The following CPNE4 variants were observed in gnomAD, a reference collection of about 807,000 sequenced individuals.
CPNE4 encodes the protein copine-4.
In CPNE4, 25 loss-of-function variants were observed where a neutral mutation model predicts 67.9. The ratio of observed to expected loss-of-function variants is 0.37; its 90% CI spans 0.27 to 0.51. The LOEUF (loss-of-function observed/expected upper bound fraction) is 0.51, where lower values mean the gene tolerates loss of function less well. Among genes scored for constraint, CPNE4 ranks in the 20% least tolerant of loss-of-function variants. The pLI is 0.93. For missense variants in CPNE4, 464 were observed against 690.8 expected (o/e 0.67, Z 3.68); for synonymous variants, 242 against 244.9 (o/e 0.99, Z 0.11).
intron 7 of CPNE4, among the ~76,000 whole-genome samples, chr3:131,646,118 G>A (rs1043974424): frequency 6.6e-6 from 1 of 152,016 alleles, no homozygotes; most frequent in Admixed American, 6.6e-5. Context: ...GAAAATAATA[G>A]AAAATCTGTC....
chr3:131,545,023 A>AT (rs1935748752), intron 14 of CPNE4, among the ~76,000 whole-genome samples: 2 of 152,182 alleles, frequency 1.3e-5, no homozygotes, highest in African/African-American at 4.8e-5. Flanking sequence ...TCAGGAAACT[A>AT]TTTTTTGTCA....
chr3:132,034,853 G>C lies in CPNE4; in HGVS notation c.-288C>G, dbSNP rs1372404932. 1.0e-6 allele frequency: 1 copy of C among 985,314 alleles called. No homozygotes were observed. The highest frequency in any genetic ancestry group is 1.7e-5 in the African/African-American group (1 of 57,152). The allele number at this position is 985,314 out of a possible 1,614,324, so 61.0% of individuals were successfully genotyped here. A position where few individuals can be genotyped will look rare whatever the true frequency, so the allele number is the denominator to read the frequency against. ...GTGAAAATGTTGGAGATGTCAGGTC[G>C]GCTCTCAGTTAACTCGGAGAGTAAA... On this transcript the variant is annotated 5_prime_UTR_variant, in exon 1 of 16. Transcript: ENST00000429747.
chr3:131,920,907 G>C (rs919981494), intron 1 of CPNE4, among the ~76,000 whole-genome samples: 1 of 152,112 alleles, frequency 6.6e-6, no homozygotes, highest in Non-Finnish European at 1.5e-5. Flanking sequence ...CACTGATACT[G>C]CCTCAAAGAC....
chr3:131,594,021 C>T (rs1938696897), intron 7 of CPNE4, among the ~76,000 whole-genome samples: 2 of 152,080 alleles, frequency 1.3e-5, no homozygotes, highest in South Asian at 4.1e-4. Context: ...CCTGCCCGGC[C>T]TTCCAGGACT....
chr3:131,769,053 G>A (rs2083097474), intron 2 of CPNE4, among the ~76,000 whole-genome samples: 1 of 152,136 alleles, frequency 6.6e-6, no homozygotes. Flanking sequence ...TCCAGCTTGG[G>A]TTCATCCATT....
At chr3:131,758,312 C>G (rs1189962384) in intron 2 of CPNE4, among the ~76,000 whole-genome samples, 1 of 152,172 alleles carries the variant, frequency 6.6e-6, no homozygotes, top group South Asian at 2.1e-4. Flanking sequence ...ATCAACATGA[C>G]CTGGATGTGA....
intron 2 of CPNE4, among the ~76,000 whole-genome samples, chr3:131,838,582 T>A (rs2085646821): frequency 2.0e-5 from 3 of 148,884 alleles, no homozygotes; most frequent in African/African-American, 7.4e-5. Flanking sequence ...ATAATAATAA[T>A]GTTGATGAAC....
intron 7 of CPNE4, among the ~76,000 whole-genome samples, chr3:131,664,128 T>C (rs1372327856): frequency 6.6e-6 from 1 of 152,192 alleles, no homozygotes; most frequent in Non-Finnish European, 1.5e-5. Flanking sequence ...AATGGCCCCA[T>C]AATACATGTG....
intron 2 of CPNE4, among the ~76,000 whole-genome samples, chr3:131,754,799 G>T (rs1246232804): frequency 7.9e-5 from 12 of 152,144 alleles, no homozygotes; most frequent in Admixed American, 7.9e-4. Flanking sequence ...AGTGAACTCA[G>T]GGATAACATC....
intron 7 of CPNE4, among the ~76,000 whole-genome samples, chr3:131,635,229 C>T (rs1245956508): frequency 3.3e-5 from 5 of 152,282 alleles, no homozygotes; most frequent in Non-Finnish European, 5.9e-5. Context: ...AATGACTTAA[C>T]ACCCATCATA....
intron 10 of CPNE4, among the ~76,000 whole-genome samples, chr3:131,565,235 C>T (rs1316311925): frequency 1.3e-5 from 2 of 151,948 alleles, no homozygotes; most frequent in Non-Finnish European, 2.9e-5. Context: ...GCCACTTAAG[C>T]TTCGAGGGAA....
intron 2 of CPNE4, among the ~76,000 whole-genome samples, chr3:131,818,812 A>G (rs981762984): frequency 6.6e-6 from 1 of 152,204 alleles, no homozygotes; most frequent in Non-Finnish European, 1.5e-5. Context: ...TGGTAAAACC[A>G]GGATTCAGGC....
intron 7 of CPNE4, among the ~76,000 whole-genome samples, chr3:131,637,330 G>A (rs2079416127): frequency 6.6e-6 from 1 of 152,102 alleles, no homozygotes; most frequent in Non-Finnish European, 1.5e-5. Context: ...CAGTGAAATA[G>A]ATAGCATAAA....
chr3:131,538,302 C>T (rs1015844738), intron 15 of CPNE4, among the ~76,000 whole-genome samples: 2 of 152,188 alleles, frequency 1.3e-5, no homozygotes, highest in African/African-American at 4.8e-5. Context: ...TTTATTTTCT[C>T]TTAATGAATT....
chr3:131,955,425 T>TTTTTTTTTTTTTTTTG (rs1560674465), intron 1 of CPNE4, among the ~76,000 whole-genome samples: 1 of 134,956 alleles, frequency 7.4e-6, no homozygotes, highest in Non-Finnish European at 1.6e-5. Flanking sequence ...TTTTTTTTTT[T>TTTTTTTTTTTTTTTTG]TTTTTTTTTG....
chr3:131,911,695 C>A (rs1272337246), intron 1 of CPNE4, among the ~76,000 whole-genome samples: 1 of 151,890 alleles, frequency 6.6e-6, no homozygotes, highest in African/African-American at 2.4e-5. Flanking sequence ...ACCTTCATTT[C>A]TAGAGGGATA....
chr3:131,635,017 TC>T lies in CPNE4; in HGVS notation c.681+34657del, dbSNP rs1212560780. ...CTTTGAAAAACTTGATTATGACAGG[TC>T]TTTGATCGGTGACTTATGGCTCAAT... On this transcript the variant is annotated intron_variant, in intron 7 of 15. Transcript: ENST00000429747. 3.3e-5 allele frequency among the ~76,000 whole-genome samples: 5 copies of T among 152,196 alleles called. 1 individual carries two copies. The highest frequency in any genetic ancestry group is 3.2e-3 in the Middle Eastern group (1 of 316).
intron 3 of CPNE4, among the ~76,000 whole-genome samples, chr3:131,709,789 G>T (rs548528432): frequency 1.3e-5 from 2 of 152,310 alleles, no homozygotes; most frequent in East Asian, 1.9e-4. Flanking sequence ...TCAGCATAGG[G>T]TCTGGCAGAA....
At chr3:131,548,390 G>A (rs186157324) in intron 14 of CPNE4, among the ~76,000 whole-genome samples, 1 of 152,122 alleles carries the variant, frequency 6.6e-6, no homozygotes, top group African/African-American at 2.4e-5. Flanking sequence ...TGAAAGTAGA[G>A]AGACATAAAA....
Sources: gnomAD v4.1 joint callset for allele counts (sites outside exome capture counted in the v4.1 genomes callset) on GRCh38, gnomAD v4.1.1 for gene constraint, MANE v1.5 for transcripts, NCBI Gene and HGNC (gene_info 2026-07-23, HGNC 2026-07-21) for gene names.